STK39: variants seen among roughly 807,000 people sequenced by gnomAD.
STK39 encodes the protein serine/threonine kinase 39.
A neutral mutation model predicts 77.8 loss-of-function variants in STK39; 20 were observed. The ratio of observed to expected loss-of-function variants is 0.26; its 90% CI spans 0.18 to 0.37. STK39 has a LOEUF of 0.37. Ranked by LOEUF, STK39 falls within the 10% of genes least tolerant of loss-of-function variation. STK39 has a pLI of 1.00. For synonymous variants in STK39, 246 were observed against 234.1 expected (o/e 1.05, Z -0.47); for missense variants, 479 against 656.5 (o/e 0.73, Z 2.95).
chr2:168,103,005 T>G (rs915911757), intron 10 of STK39, among the ~76,000 whole-genome samples: 2 of 151,726 alleles, frequency 1.3e-5, no homozygotes, highest in Non-Finnish European at 2.9e-5. Flanking sequence ...GAGGACTATT[T>G]GGACTCCTTC....
At chr2:168,029,370 A>G (rs1346537046) in intron 14 of STK39, among the ~76,000 whole-genome samples, 7 of 152,228 alleles carry the variant, frequency 4.6e-5, no homozygotes, top group Non-Finnish European at 5.9e-5. Context: ...AAATTTTATT[A>G]TGGAAGACCC....
At position 168,117,461 on chromosome 2, in the gene STK39, C is replaced by T. The variant is rs140742052; in HGVS notation, c.1089+12080G>A. Among the ~76,000 whole-genome samples the T allele has an allele frequency of 1.8e-4, 27 of 152,258 alleles. No homozygotes were observed. The East Asian group carries it at 5.0e-3, about 28-fold the overall frequency. On this transcript the variant is annotated intron_variant, in intron 10 of 17. Coordinates refer to ENST00000355999, the MANE Select transcript of STK39 (RefSeq NM_013233.3). Reference sequence around the variant, plus strand: ...ATAAAAGGACACCATCCATGCTCCACAAGAATTGATAGTAGGCTACAGAAG... The same window carrying T: ...ATAAAAGGACACCATCCATGCTCCATAAGAATTGATAGTAGGCTACAGAAG...
intron 1 of STK39, among the ~76,000 whole-genome samples, chr2:168,226,227 C>T (rs759816155): frequency 1.3e-5 from 2 of 152,172 alleles, no homozygotes; most frequent in African/African-American, 2.4e-5. Context: ...AAGTTTCCTG[C>T]TGCTGAGGTC....
intron 10 of STK39, among the ~76,000 whole-genome samples, chr2:168,092,893 T>C (rs1686561892): frequency 6.6e-6 from 1 of 152,210 alleles, no homozygotes; most frequent in Non-Finnish European, 1.5e-5. Flanking sequence ...TAAGAGGCTG[T>C]GTGCAGGCTA....
At chr2:168,137,598 T>C (rs1687872676) in intron 8 of STK39, among the ~76,000 whole-genome samples, 1 of 152,230 alleles carries the variant, frequency 6.6e-6, no homozygotes, top group Non-Finnish European at 1.5e-5. Context: ...AAAAATCTCC[T>C]TAATCTTCTT....
chr2:168,025,537 T>TCA (rs1284115393), intron 14 of STK39, among the ~76,000 whole-genome samples: 1 of 152,196 alleles, frequency 6.6e-6, no homozygotes, highest in East Asian at 1.9e-4. Flanking sequence ...AAAGAGTATT[T>TCA]CACATGCACT....
At chr2:168,217,372 C>T (rs184361027) in intron 1 of STK39, among the ~76,000 whole-genome samples, 141 of 152,252 alleles carry the variant, frequency 9.3e-4, no homozygotes, top group African/African-American at 3.2e-3. Context: ...GGATGCAGGA[C>T]GGGGAATACT....
chr2:168,016,004 T>C (rs964048286), intron 15 of STK39, among the ~76,000 whole-genome samples: 1 of 152,180 alleles, frequency 6.6e-6, no homozygotes, highest in Non-Finnish European at 1.5e-5. Flanking sequence ...CTTGACTCAA[T>C]GCACTCTCTG....
intron 15 of STK39, among the ~76,000 whole-genome samples, chr2:168,013,748 C>T (rs1684330663): frequency 6.6e-6 from 1 of 151,290 alleles, no homozygotes; most frequent in Non-Finnish European, 1.5e-5. Flanking sequence ...ACTGCATTTC[C>T]TTATTTCATC....
At chr2:168,199,036 G>A (rs1689544726) in intron 1 of STK39, among the ~76,000 whole-genome samples, 1 of 152,170 alleles carries the variant, frequency 6.6e-6, no homozygotes, top group South Asian at 2.1e-4. Flanking sequence ...TCTTTGCTAT[G>A]GCATCATATT....
chr2:167,988,580 TC>T (rs1413520515), intron 16 of STK39, among the ~76,000 whole-genome samples: 1 of 152,130 alleles, frequency 6.6e-6, no homozygotes, highest in African/African-American at 2.4e-5. Flanking sequence ...TGTGGATGCT[TC>T]CATGTCTTTT....
chr2:168,232,539 CT>C (rs1257672624), intron 1 of STK39, among the ~76,000 whole-genome samples: 20 of 152,180 alleles, frequency 1.3e-4, no homozygotes, highest in African/African-American at 4.8e-4. Context: ...TTCAATTATC[CT>C]CCTTTTCCAT....
At chr2:168,230,863 C>T (rs1220758830) in intron 1 of STK39, among the ~76,000 whole-genome samples, 2 of 152,186 alleles carry the variant, frequency 1.3e-5, no homozygotes, top group Non-Finnish European at 2.9e-5. Context: ...TATTCTCCCC[C>T]TTTCTCAGAC....
rs184137045 is a variant in STK39 at position 168,190,764 on chromosome 2, A to T, written c.209-8674T>A. Among the ~76,000 whole-genome samples the T allele has an allele frequency of 4.7e-4, 71 of 152,322 alleles. 1 individual carries two copies. Among genetic ancestry groups the T allele is most frequent in the African/African-American group, 1.5e-3 (63 of 41,582 alleles). Reference sequence around the variant, plus strand: ...CCTACTGAGAAAATCTGACTTTTATAGTCAGTAAACGGTCACTTTGAAGTC... The same window carrying T: ...CCTACTGAGAAAATCTGACTTTTATTGTCAGTAAACGGTCACTTTGAAGTC... On this transcript the variant is annotated intron_variant, in intron 1 of 17. Coordinates refer to ENST00000355999, the MANE Select transcript of STK39 (RefSeq NM_013233.3).
chr2:167,959,175 G>C (rs2105518235), intron 17 of STK39, among the ~76,000 whole-genome samples: 1 of 152,180 alleles, frequency 6.6e-6, no homozygotes, highest in African/African-American at 2.4e-5. Context: ...CTGGAGTGCA[G>C]TGGTGTGATC....
chr2:167,979,188 T>C (rs972085574), intron 16 of STK39, among the ~76,000 whole-genome samples: 1 of 152,234 alleles, frequency 6.6e-6, no homozygotes, highest in Admixed American at 6.5e-5. Context: ...CTTGGGTAGA[T>C]ACCTAGCAGT....
intron 1 of STK39, among the ~76,000 whole-genome samples, chr2:168,216,115 A>G (rs1283481786): frequency 6.8e-6 from 1 of 146,330 alleles, no homozygotes; most frequent in African/African-American, 2.5e-5. Context: ...GAGAGACAGG[A>G]AACAGAGTTC....
intron 1 of STK39, among the ~76,000 whole-genome samples, chr2:168,205,279 A>C (rs1689713786): frequency 6.6e-6 from 1 of 152,254 alleles, no homozygotes; most frequent in Non-Finnish European, 1.5e-5. Flanking sequence ...CATTATGTAC[A>C]ACTTAATTGC....
At chr2:168,069,684 C>A (rs563480144) in intron 12 of STK39, among the ~76,000 whole-genome samples, 5 of 152,354 alleles carry the variant, frequency 3.3e-5, no homozygotes, top group African/African-American at 1.2e-4. Flanking sequence ...GTTTTCCTAG[C>A]CAGTCCTTGA....
Sources: gnomAD v4.1 joint callset for allele counts (sites outside exome capture counted in the v4.1 genomes callset) on GRCh38, gnomAD v4.1.1 for gene constraint, MANE v1.5 for transcripts, NCBI Gene and HGNC (gene_info 2026-07-23, HGNC 2026-07-21) for gene names.